COL4A3: variants seen among roughly 807,000 people sequenced by gnomAD.
COL4A3 encodes the protein collagen alpha-3(IV) chain.
A neutral mutation model predicts 217.4 loss-of-function variants in COL4A3; 135 were observed. The observed-to-expected ratio is 0.62, with a 90% confidence interval of 0.54 to 0.72. COL4A3 has a LOEUF of 0.72. Ranked by LOEUF, COL4A3 falls within the 30% of genes least tolerant of loss-of-function variation. COL4A3 has a pLI of 0.00. For synonymous variants in COL4A3, 690 were observed against 736.3 expected (o/e 0.94, Z 1.02); for missense variants, 1,868 against 2,119.9 (o/e 0.88, Z 2.33).
intron 1 of COL4A3, among the ~76,000 whole-genome samples, chr2:227,183,036 T>A (rs2065906641): frequency 1.3e-5 from 2 of 152,234 alleles, no homozygotes; most frequent in Non-Finnish European, 2.9e-5. Context: ...TGTTTTTACA[T>A]GTGAAACTGC....
rs1424676880 is a variant in COL4A3 at position 227,295,076 on chromosome 2, A to G, written c.3517+14A>G. Reference sequence around the variant, plus strand: ...AGGGAGAAACGGGTACAACTTGCTCATTATCTTTGATCCGTTAGTTTTATT... The same window carrying G: ...AGGGAGAAACGGGTACAACTTGCTCGTTATCTTTGATCCGTTAGTTTTATT... On this transcript the variant is annotated intron_variant, in intron 40 of 51. Transcript: ENST00000396578. 6.2e-6 allele frequency: 10 copies of G among 1,605,868 alleles called. No homozygotes were observed. Among genetic ancestry groups the G allele is most frequent in the Middle Eastern group, 1.7e-4 (1 of 6,048 alleles).
chr2:227,234,675 A>G (rs2068593232), intron 1 of COL4A3, among the ~76,000 whole-genome samples: 2 of 152,226 alleles, frequency 1.3e-5, no homozygotes, highest in South Asian at 4.1e-4. Flanking sequence ...ATAGGCATTG[A>G]ATATCTAACT....
Position 227,266,503 on chromosome 2 carries a change from C to T in COL4A3, c.1402C>T (p.Pro468Ser). ...TCCAGGAATCCCAGGAGTTGATGGG[C>T]CCAAAGGTTGGTTCAATCAATAATG... Reference protein sequence around the residue: ...GSPGIPGVDGPKGEPGLLCTQ... With the variant: ...GSPGIPGVDGSKGEPGLLCTQ... The change falls in exon 22 of 52, where the codon CCC becomes TCC. Residue 468 changes from proline to serine, a missense_variant. This residue lies in a region of COL4A3 where 1,503 missense variants were observed against 1,786.1 expected (regional missense o/e 0.84). Transcript: ENST00000396578. 1 of 1,612,454 alleles carries T rather than the reference C, an allele frequency of 6.2e-7. No homozygotes were observed. Among genetic ancestry groups the T allele is most frequent in the Non-Finnish European group, 8.5e-7 (1 of 1,178,646 alleles).
At chr2:227,271,059 C>G (rs2071206193) in intron 25 of COL4A3, 107 bp downstream of exon 25, 3 of 955,360 alleles carry the variant, frequency 3.1e-6, no homozygotes, top group Non-Finnish European at 1.7e-6. Context: ...CAGTTCATCA[C>G]TCTAACTGCA....
intron 1 of COL4A3, among the ~76,000 whole-genome samples, chr2:227,168,871 C>CTTCTTTTTT (rs2065371322): frequency 1.4e-5 from 2 of 145,404 alleles, no homozygotes; most frequent in Non-Finnish European, 3.0e-5. Context: ...ATATTCTTTC[C>CTTCTTTTTT]TTCTTTTTTT....
intron 1 of COL4A3, among the ~76,000 whole-genome samples, chr2:227,186,216 G>A (rs1442669770): frequency 2.0e-5 from 3 of 152,142 alleles, no homozygotes; most frequent in Non-Finnish European, 4.4e-5. Context: ...TCACGCCCTC[G>A]ATCACAGCAC....
chr2:227,291,577 AAAC>A (rs1559907710), intron 37 of COL4A3, among the ~76,000 whole-genome samples: 5 of 22,444 alleles, frequency 2.2e-4, no homozygotes, highest in East Asian at 1.1e-3. Context: ...AAAAAAAAAA[AAAC>A]AAAAAAAAAA....
chr2:227,209,091 G>A (rs1038264123), intron 1 of COL4A3, among the ~76,000 whole-genome samples: 10 of 152,154 alleles, frequency 6.6e-5, no homozygotes, highest in East Asian at 1.9e-4. Flanking sequence ...GTTTCTGAAC[G>A]ACACAAAACA....
At chr2:227,189,671 A>G (rs564941308) in intron 1 of COL4A3, among the ~76,000 whole-genome samples, 2 of 152,344 alleles carry the variant, frequency 1.3e-5, no homozygotes, top group East Asian at 3.9e-4. Context: ...TGAAATTGTA[A>G]GTAACCTAAA....
chr2:227,256,540 A>G lies in COL4A3; in HGVS notation c.987+144A>G, dbSNP rs1461191927. On this transcript the variant is annotated intron_variant, in intron 17 of 51. Coordinates refer to ENST00000396578, the MANE Select transcript of COL4A3 (RefSeq NM_000091.5). ...CTACTAGGTCTGTTAAGAAGAAAAG[A>G]GAGATGTGGCAACTTTACTTAAACA... is the stretch of plus-strand genomic sequence containing the variant. 4 of 802,602 alleles carry G rather than the reference A, an allele frequency of 5.0e-6. No homozygotes were observed. The East Asian group carries it at 9.7e-5, about 19-fold the overall frequency. 49.7% of individuals were successfully genotyped at this position (802,602 alleles called of 1,614,324 possible).
chr2:227,304,367 C>T, intron 46 of COL4A3: 1 of 561,224 alleles, frequency 1.8e-6, no homozygotes, highest in East Asian at 3.1e-5. Context: ...TGAACAAATA[C>T]ACTTTAGGGC....
In COL4A3 at chr2:227,175,668, G is replaced by T. The variant is rs188468789; in HGVS notation, c.87+10855G>T. On this transcript the variant is annotated intron_variant, in intron 1 of 51. Transcript: ENST00000396578. ...GTACCACAGAGGAGGTGGGTCTGTC[G>T]TGGTTATGCTAATTGAGGATTGAGC... Among the ~76,000 whole-genome samples the T allele has an allele frequency of 6.6e-5, 10 of 152,292 alleles. 1 individual carries two copies. The highest frequency in any genetic ancestry group is 2.6e-4 in the Admixed American group (4 of 15,300).
chr2:227,282,250 A>T lies in COL4A3; in HGVS notation c.2489-115A>T. 1 of 438,076 alleles carries T rather than the reference A, an allele frequency of 2.3e-6. No individual in the cohort carries two copies. Among genetic ancestry groups the T allele is most frequent in the Non-Finnish European group, 3.4e-6 (1 of 295,888 alleles). 27.1% of individuals were successfully genotyped at this position (438,076 alleles called of 1,614,324 possible). Reference sequence around the variant, plus strand: ...TCGCCCCACTGCAATCCAGCCTAGAAGACAGAGGGAGATTCCATCTTAAAA... The same window carrying T: ...TCGCCCCACTGCAATCCAGCCTAGATGACAGAGGGAGATTCCATCTTAAAA... On this transcript the variant is annotated intron_variant, in intron 31 of 51. Coordinates refer to ENST00000396578, the MANE Select transcript of COL4A3 (RefSeq NM_000091.5). The surrounding 1 kb of genome is among the most constrained non-coding windows in gnomAD (Gnocchi z 4.4).
intron 1 of COL4A3, among the ~76,000 whole-genome samples, chr2:227,168,684 T>G (rs1436381518): frequency 6.6e-6 from 1 of 151,990 alleles, no homozygotes; most frequent in Non-Finnish European, 1.5e-5. Flanking sequence ...TTGTCAAAAT[T>G]TTTTTTTCCT....
chr2:227,281,905 C>T (rs1317559491), intron 31 of COL4A3: 1 of 152,504 alleles, frequency 6.6e-6, no homozygotes, highest in Non-Finnish European at 1.5e-5. Flanking sequence ...AATACATACA[C>T]ACACACATGC....
intron 1 of COL4A3, among the ~76,000 whole-genome samples, chr2:227,223,669 G>A (rs557143509): frequency 5.9e-4 from 90 of 152,294 alleles, no homozygotes; most frequent in Admixed American, 9.2e-4. Context: ...GGAAGGTGGA[G>A]GTTCCAGTGA....
At chr2:227,308,584 A>G (rs1353335137) in intron 48 of COL4A3, among the ~76,000 whole-genome samples, 2 of 152,238 alleles carry the variant, frequency 1.3e-5, no homozygotes, top group Admixed American at 1.3e-4. Context: ...GCTATTATGT[A>G]CATATGAATA....
At chr2:227,228,153 A>G (rs1157916800) in intron 1 of COL4A3, among the ~76,000 whole-genome samples, 1 of 152,166 alleles carries the variant, frequency 6.6e-6, no homozygotes, top group Non-Finnish European at 1.5e-5. Context: ...GAGTTGAGGG[A>G]TAGGAAGTGG....
intron 1 of COL4A3, among the ~76,000 whole-genome samples, chr2:227,193,743 GGGAGGGAAGGAAGGAAGGAAGGAA>G (rs1262770338): frequency 1.5e-4 from 4 of 27,316 alleles, no homozygotes; most frequent in African/African-American, 3.6e-4. Context: ...GAGGGAGGGA[GGGAGGGAAGGAAGGAAGGAAGGAA>G]GGAAGGAAGG....
Sources: allele counts gnomAD v4.1 joint callset (sites outside exome capture counted in the v4.1 genomes callset), GRCh38; gene constraint gnomAD v4.1.1; regional missense constraint gnomAD v4.1.1; non-coding constraint Gnocchi (gnomAD v3.1); transcripts MANE v1.5; gene names NCBI Gene and HGNC (gene_info 2026-07-23, HGNC 2026-07-21).